The following PAFAH1B2 variants were observed in gnomAD, a reference collection of about 807,000 sequenced individuals.
PAFAH1B2 encodes platelet-activating factor acetylhydrolase IB subunit alpha2.
In PAFAH1B2, 8 loss-of-function variants were observed where a neutral mutation model predicts 28.0. The ratio of observed to expected loss-of-function variants is 0.29; its 90% CI spans 0.17 to 0.52. The LOEUF is 0.52. PAFAH1B2 is among the 20% of genes least tolerant of loss of function. The pLI is 0.97. For synonymous variants in PAFAH1B2, 104 were observed against 103.2 expected (o/e 1.01, Z -0.05); for missense variants, 190 against 282.6 (o/e 0.67, Z 2.35).
At chr11:117,161,357 A>G (rs1956365512) in intron 4 of PAFAH1B2, 96 bp downstream of exon 4, 1 of 706,594 alleles carries the variant, frequency 1.4e-6, no homozygotes, top group Non-Finnish European at 2.3e-6. Context: ...TTCTTTAAAG[A>G]CCTATTTCAC....
rs1467998682 is a variant in PAFAH1B2 at position 117,163,813 on chromosome 11, CAGA to C, written c.338_340del (p.Glu113del). On this transcript the variant is annotated inframe_deletion, in exon 5 of 6. Coordinates refer to ENST00000527958, the MANE Select transcript of PAFAH1B2 (RefSeq NM_002572.4). Reference sequence around the variant, plus strand: ...GGAACAAATAACCACGAAAATACAGCAGAAGAAGTAGCAGGTGGGATCGAGGCC... The same window carrying C: ...GGAACAAATAACCACGAAAATACAGCAGAAGTAGCAGGTGGGATCGAGGCC... 2 of 1,613,752 alleles carry C rather than the reference CAGA, an allele frequency of 1.2e-6. No homozygotes were observed. Among genetic ancestry groups the C allele is most frequent in the African/African-American group, 1.3e-5 (1 of 74,860 alleles).
exon 6 of PAFAH1B2, chr11:117,176,102 A>C (rs1260728219): frequency 3.1e-6 from 2 of 641,512 alleles, no homozygotes; most frequent in Admixed American, 2.5e-5. Context: ...ACCAAGGTGC[A>C]AACTTGAGTC....
chr11:117,163,686 A>T (rs1956430294), intron 4 of PAFAH1B2, 84 bp from the exon 5 acceptor site: 1 of 1,324,398 alleles, frequency 7.6e-7, no homozygotes, highest in Non-Finnish European at 1.1e-6. Flanking sequence ...AAAAAAAAAA[A>T]AAAAGATTTT....
downstream of PAFAH1B2, among the ~76,000 whole-genome samples, chr11:117,177,607 T>C (rs1444475890): frequency 1.3e-5 from 2 of 152,262 alleles, no homozygotes; most frequent in African/African-American, 4.8e-5. Flanking sequence ...TGATCTCAGC[T>C]CACTGCAACC....
intron 1 of PAFAH1B2, among the ~76,000 whole-genome samples, chr11:117,149,331 C>T (rs1330223874): frequency 6.6e-6 from 1 of 151,862 alleles, no homozygotes; most frequent in Non-Finnish European, 1.5e-5. Context: ...CATCTTCCTG[C>T]CTCGGCCTCC....
Position 117,170,136 on chromosome 11 carries a change from A to C in PAFAH1B2, c.*2437A>C, listed in dbSNP as rs1027858811. The C allele has an allele frequency of 1.2e-5, 13 of 1,052,816 alleles. No individual in the cohort carries two copies. The highest frequency in any genetic ancestry group is 4.2e-4 in the Middle Eastern group (1 of 2,358). The allele number at this position is 1,052,816 out of a possible 1,614,324, so 65.2% of individuals were successfully genotyped here. Reference sequence around the variant, plus strand: ...TGCACTACTTTAGGTAAAAATAGTTAATCTATTTTTCTTTGACATCCTAGT... The same window carrying C: ...TGCACTACTTTAGGTAAAAATAGTTCATCTATTTTTCTTTGACATCCTAGT... On this transcript the variant is annotated 3_prime_UTR_variant, in exon 6 of 6. Coordinates refer to ENST00000527958, the MANE Select transcript of PAFAH1B2 (RefSeq NM_002572.4).
chr11:117,173,603 C>T (rs1396740358), downstream of PAFAH1B2, among the ~76,000 whole-genome samples: 3 of 152,310 alleles, frequency 2.0e-5, no homozygotes, highest in African/African-American at 7.2e-5. Context: ...GGGCAACAGG[C>T]CTGAGCCACC....
At position 117,169,625 on chromosome 11, in the gene PAFAH1B2, A is replaced by C. The variant is rs1489415344; in HGVS notation, c.*1926A>C. ...TTTTAAAAAATACATACTTTTTTGA[A>C]TGTATCATGTCTTCATTAACAACAG... On this transcript the variant is annotated 3_prime_UTR_variant, in exon 6 of 6. Transcript: ENST00000527958. 2.9e-6 allele frequency: 3 copies of C among 1,051,158 alleles called. No individual in the cohort carries two copies. The highest frequency in any genetic ancestry group is 5.4e-5 in the Admixed American group (1 of 18,364). The allele number at this position is 1,051,158 out of a possible 1,614,324, so 65.1% of individuals were successfully genotyped here.
Position 117,169,855 on chromosome 11 carries a change from TG to T in PAFAH1B2, c.*2158del. The T allele has an allele frequency of 9.5e-7, 1 of 1,055,442 alleles. No individual in the cohort carries two copies. The highest frequency in any genetic ancestry group is 1.1e-6 in the Non-Finnish European group (1 of 873,142). The allele number at this position is 1,055,442 out of a possible 1,614,324, so 65.4% of individuals were successfully genotyped here. A position where few individuals can be genotyped will look rare whatever the true frequency, so the allele number is the denominator to read the frequency against. On this transcript the variant is annotated 3_prime_UTR_variant, in exon 6 of 6. Coordinates refer to ENST00000527958, the MANE Select transcript of PAFAH1B2 (RefSeq NM_002572.4). ...TTCTGTTTGTCAGAAGGTGGGAGTA[TG>T]GTCCAAATAAATCCATTAGGTTACT...
In PAFAH1B2 at chr11:117,163,896, T is replaced by C. The variant is rs1390520226; in HGVS notation, c.411+4T>C. The C allele has an allele frequency of 1.2e-6, 2 of 1,613,202 alleles. No individual in the cohort carries two copies. Among genetic ancestry groups the C allele is most frequent in the Non-Finnish European group, 1.7e-6 (2 of 1,179,624 alleles). On this transcript the variant is annotated splice_donor_region_variant and intron_variant, in intron 5 of 5. Coordinates refer to ENST00000527958, the MANE Select transcript of PAFAH1B2 (RefSeq NM_002572.4). Reference sequence around the variant, plus strand: ...ACAGGCCAAAATCATTGTATTGGTATGTAGTCGTTGGTGGGTAGAGAGTTT... The same window carrying C: ...ACAGGCCAAAATCATTGTATTGGTACGTAGTCGTTGGTGGGTAGAGAGTTT...
At chr11:117,160,137 A>G (rs1210247830) in intron 3 of PAFAH1B2, 114 bp downstream of exon 3, 2 of 780,014 alleles carry the variant, frequency 2.6e-6, no homozygotes, top group African/African-American at 1.7e-5. Flanking sequence ...GAGAAGCCCT[A>G]ATTGAGGTTA....
chr11:117,145,712 A>T (rs1955988142), intron 1 of PAFAH1B2, among the ~76,000 whole-genome samples: 1 of 152,248 alleles, frequency 6.6e-6, no homozygotes, highest in South Asian at 2.1e-4. Context: ...CTTCAGAATA[A>T]CCATACCCAC....
Position 117,167,778 on chromosome 11 carries a change from C to G in PAFAH1B2, c.*79C>G, listed in dbSNP as rs1956546281. Reference sequence around the variant, plus strand: ...CTGGCACTACAGAATCCTTCTCTTTCTTAAGGCACTTTGCATTGTAGAATG... The same window carrying G: ...CTGGCACTACAGAATCCTTCTCTTTGTTAAGGCACTTTGCATTGTAGAATG... On this transcript the variant is annotated 3_prime_UTR_variant, in exon 6 of 6. Coordinates refer to ENST00000527958, the MANE Select transcript of PAFAH1B2 (RefSeq NM_002572.4). The G allele has an allele frequency of 7.3e-7, 1 of 1,376,428 alleles. No homozygotes were observed. Among genetic ancestry groups the G allele is most frequent in the African/African-American group, 1.5e-5 (1 of 68,776 alleles). 85.3% of individuals were successfully genotyped at this position (1,376,428 alleles called of 1,614,324 possible).
Position 117,168,704 on chromosome 11 carries a change from T to G in PAFAH1B2, c.*1005T>G, listed in dbSNP as rs964419650. The G allele has an allele frequency of 9.4e-7, 1 of 1,059,746 alleles. No individual in the cohort carries two copies. 65.6% of individuals were successfully genotyped at this position (1,059,746 alleles called of 1,614,324 possible). On this transcript the variant is annotated 3_prime_UTR_variant, in exon 6 of 6. Transcript: ENST00000527958. ...TTGGGGGTGGGGGGATTCAGAACTC[T>G]TGTTTCCCATTCCATAGCACCTGAC...
At chr11:117,153,014 C>T (rs1238608546) in intron 2 of PAFAH1B2, among the ~76,000 whole-genome samples, 1 of 152,094 alleles carries the variant, frequency 6.6e-6, no homozygotes, top group Non-Finnish European at 1.5e-5. Context: ...TGCAGTGAGC[C>T]GAGATTGTGC....
rs576983465 is a variant in PAFAH1B2, at chr11:117,171,026, A to C, written c.*3327A>C. On this transcript the variant is annotated 3_prime_UTR_variant, in exon 6 of 6. Coordinates refer to ENST00000527958, the MANE Select transcript of PAFAH1B2 (RefSeq NM_002572.4). ...CTGTTTTAGTGTATATTTCAATATA[A>C]ATGTAAACATTTTGCTCAATTTGCT... 12 of 1,035,286 alleles carry C rather than the reference A, an allele frequency of 1.2e-5. No individual in the cohort carries two copies. The African/African-American group carries it at 1.8e-4, about 16-fold the overall frequency. The allele number at this position is 1,035,286 out of a possible 1,614,324, so 64.1% of individuals were successfully genotyped here.
At chr11:117,152,364 C>T in intron 1 of PAFAH1B2, 77 bp from the exon 2 acceptor site, 1 of 813,830 alleles carries the variant, frequency 1.2e-6, no homozygotes, top group Non-Finnish European at 2.1e-6. Context: ...TTATTTAAAG[C>T]CTGATGTGTA....
downstream of PAFAH1B2, chr11:117,176,016 T>G (rs1250740353): frequency 8.9e-7 from 1 of 1,123,300 alleles, no homozygotes; most frequent in South Asian, 1.3e-5. Context: ...GGAGGGCTCA[T>G]GATGAAGAAA....
intron 5 of PAFAH1B2, among the ~76,000 whole-genome samples, chr11:117,165,344 G>T (rs1172903090): frequency 6.1e-5 from 5 of 82,570 alleles, no homozygotes; most frequent in African/African-American, 2.8e-4. Context: ...AGCAAAACTC[G>T]GTCTCAAAAA....
Sources: allele counts gnomAD v4.1 joint callset (sites outside exome capture counted in the v4.1 genomes callset), GRCh38; gene constraint gnomAD v4.1.1; transcripts MANE v1.5; gene names NCBI Gene and HGNC (gene_info 2026-07-23, HGNC 2026-07-21).